MYO5B: variants seen among roughly 807,000 people sequenced by gnomAD.
MYO5B encodes the protein unconventional myosin-Vb.
In MYO5B, 143 loss-of-function variants were observed where a neutral mutation model predicts 229.3. The ratio of observed to expected loss-of-function variants is 0.62; its 90% CI spans 0.54 to 0.72. The LOEUF (loss-of-function observed/expected upper bound fraction) is 0.72, where lower values mean the gene tolerates loss of function less well. MYO5B is among the 30% of genes least tolerant of loss of function. The probability of loss-of-function intolerance (pLI) is 0.00; values close to 1 mark genes in which losing one functional copy is unlikely to be tolerated. For missense variants in MYO5B, 2,321 were observed against 2,331.0 expected (o/e 1.00, Z 0.09); for synonymous variants, 918 against 885.2 (o/e 1.04, Z -0.66).
At chr18:49,890,795 C>A (rs2024703617) in intron 22 of MYO5B, among the ~76,000 whole-genome samples, 1 of 152,160 alleles carries the variant, frequency 6.6e-6, no homozygotes, top group Admixed American at 6.5e-5. Flanking sequence ...TCTGCAAAAT[C>A]TTGAAGTGTT....
At chr18:49,900,853 G>A (rs983507460) in intron 21 of MYO5B, among the ~76,000 whole-genome samples, 2 of 152,178 alleles carry the variant, frequency 1.3e-5, no homozygotes, top group African/African-American at 2.4e-5. Context: ...AAACGCAGCA[G>A]TAGGCATGCA....
At chr18:49,951,924 A>G (rs955245633) in intron 14 of MYO5B, among the ~76,000 whole-genome samples, 1 of 152,166 alleles carries the variant, frequency 6.6e-6, no homozygotes, top group African/African-American at 2.4e-5. Flanking sequence ...ATTAACCACC[A>G]CAGACTGGAG....
chr18:49,916,918 TTG>T (rs2025022332), intron 17 of MYO5B, among the ~76,000 whole-genome samples: 1 of 152,158 alleles, frequency 6.6e-6, no homozygotes, highest in Non-Finnish European at 1.5e-5. Context: ...TCAAGAGAAT[TTG>T]TGATTCTTTT....
chr18:49,957,142 CAAAAA>C lies in MYO5B; in HGVS notation c.1546-2712_1546-2708del, dbSNP rs71169467. 6.3e-4 allele frequency among the ~76,000 whole-genome samples: 37 copies of C among 58,736 alleles called. 1 individual carries two copies. The highest frequency in any genetic ancestry group is 2.7e-3 in the African/African-American group (34 of 12,594). The allele number at this position is 58,736 out of a possible 152,430, so 38.5% of individuals were successfully genotyped here. On this transcript the variant is annotated intron_variant, in intron 12 of 39. Coordinates refer to ENST00000285039, the MANE Select transcript of MYO5B (RefSeq NM_001080467.3). ...ACTCCTTGCTAGTAAAATAAAGTAG[CAAAAA>C]AAAAAAAAAAAAAAAAAAGCAGGCA...
chr18:50,137,500 T>G (rs2032353825), intron 1 of MYO5B, among the ~76,000 whole-genome samples: 3 of 152,194 alleles, frequency 2.0e-5, no homozygotes, highest in African/African-American at 7.2e-5. Flanking sequence ...GCTGTATAGA[T>G]TATCTTCAAT....
intron 1 of MYO5B, among the ~76,000 whole-genome samples, chr18:50,172,208 A>C (rs1390605411): frequency 6.6e-6 from 1 of 151,058 alleles, no homozygotes; most frequent in Non-Finnish European, 1.5e-5. Flanking sequence ...TTGAGCCCAG[A>C]AGGTCGAGGC....
intron 1 of MYO5B, among the ~76,000 whole-genome samples, chr18:50,086,742 A>C (rs1376922453): frequency 6.6e-6 from 1 of 152,164 alleles, no homozygotes; most frequent in Admixed American, 6.5e-5. Context: ...TGGAGCTCAG[A>C]AGAGAGTAAA....
intron 1 of MYO5B, among the ~76,000 whole-genome samples, chr18:50,066,904 C>T (rs565382414): frequency 6.6e-6 from 1 of 152,094 alleles, no homozygotes; most frequent in Admixed American, 6.5e-5. Flanking sequence ...ACCATAGATC[C>T]CCTAGGATGA....
At chr18:50,193,316 C>T (rs1469207445) in intron 1 of MYO5B, among the ~76,000 whole-genome samples, 1 of 152,248 alleles carries the variant, frequency 6.6e-6, no homozygotes, top group Non-Finnish European at 1.5e-5. Flanking sequence ...TCCCTGATCG[C>T]TGCACAGGTG....
chr18:49,890,207 TAAC>T (rs762072004), intron 22 of MYO5B, among the ~76,000 whole-genome samples: 2 of 152,178 alleles, frequency 1.3e-5, no homozygotes, highest in Non-Finnish European at 2.9e-5. Flanking sequence ...ACACAGCAGG[TAAC>T]AAACTTCTGC....
intron 4 of MYO5B, among the ~76,000 whole-genome samples, chr18:50,015,003 CT>C (rs1397047469): frequency 1.3e-5 from 2 of 152,188 alleles, no homozygotes; most frequent in African/African-American, 4.8e-5. Flanking sequence ...GGGAAGTCTC[CT>C]GGAATTGGGG....
intron 2 of MYO5B, among the ~76,000 whole-genome samples, chr18:50,045,257 C>A (rs1187243762): frequency 1.3e-5 from 2 of 152,160 alleles, no homozygotes; most frequent in Non-Finnish European, 2.9e-5. Context: ...TTTTCTATCA[C>A]TGTGGGAACA....
rs201281611 is a variant in MYO5B at position 49,879,024 on chromosome 18, C to G, written c.3197G>C (p.Arg1066Pro). Residue 1066 changes from arginine to proline, a missense_variant, in exon 24 of 40, where the codon CGG becomes CCG. This residue lies in a region of MYO5B where 2,113 missense variants were observed against 2,044.7 expected (regional missense o/e 1.03). Transcript: ENST00000285039. ...MKKELEEERS[R>P]YQNLVKEYSQ... ...ATATTCCTTCACAAGGTTCTGGTAC[C>G]GGGATCGCTCCTCCTCCAGTTCTTT... is the stretch of plus-strand genomic sequence containing the variant. 6.2e-7 allele frequency: 1 copy of G among 1,609,996 alleles called. No individual in the cohort carries two copies.
intron 2 of MYO5B, among the ~76,000 whole-genome samples, chr18:50,042,666 G>C (rs901200848): frequency 2.0e-5 from 3 of 151,852 alleles, no homozygotes; most frequent in African/African-American, 7.3e-5. Context: ...CCTGGTATTA[G>C]CAGGATTCTT....
At chr18:49,923,411 A>T (rs1416913365) in intron 17 of MYO5B, among the ~76,000 whole-genome samples, 1 of 152,210 alleles carries the variant, frequency 6.6e-6, no homozygotes, top group Non-Finnish European at 1.5e-5. Context: ...GAAGGACACC[A>T]CAAAGGCCAG....
At chr18:49,842,955 C>G (rs1227034061) in intron 34 of MYO5B, among the ~76,000 whole-genome samples, 5 of 152,218 alleles carry the variant, frequency 3.3e-5, no homozygotes, top group Admixed American at 6.5e-5. Context: ...AGTGGGCAGG[C>G]CAAGGCTTCT....
At chr18:50,148,159 C>T (rs2032535586) in intron 1 of MYO5B, among the ~76,000 whole-genome samples, 1 of 151,278 alleles carries the variant, frequency 6.6e-6, no homozygotes, top group Admixed American at 6.6e-5. Flanking sequence ...CTGAATAGAC[C>T]AATAACAGAA....
At chr18:49,902,520 G>T in intron 21 of MYO5B, 74 bp downstream of exon 21, 3 of 1,593,036 alleles carry the variant, frequency 1.9e-6, no homozygotes, top group Non-Finnish European at 2.6e-6. Context: ...GTTCCTCAAG[G>T]AAGCTGTGGG....
At chr18:49,840,940 G>A (rs1285169355) in intron 35 of MYO5B, among the ~76,000 whole-genome samples, 3 of 152,180 alleles carry the variant, frequency 2.0e-5, no homozygotes, top group African/African-American at 7.2e-5. Context: ...GGCCATCTTT[G>A]TCTATCTTGA....
Sources: allele counts gnomAD v4.1 joint callset (sites outside exome capture counted in the v4.1 genomes callset), GRCh38; gene constraint gnomAD v4.1.1; regional missense constraint gnomAD v4.1.1; transcripts MANE v1.5; gene names NCBI Gene and HGNC (gene_info 2026-07-23, HGNC 2026-07-21).